Variants in ADK observed in about 807,000 individuals in gnomAD.
ADK encodes N6,N6-dimethyladenosine kinase.
A neutral mutation model predicts 44.7 loss-of-function variants in ADK; 24 were observed. The ratio of observed to expected loss-of-function variants is 0.54; its 90% CI spans 0.39 to 0.76. The LOEUF is 0.76. Among genes scored for constraint, ADK ranks in the 30% least tolerant of loss-of-function variants. The probability of loss-of-function intolerance (pLI) is 0.00; values close to 1 mark genes in which losing one functional copy is unlikely to be tolerated. For missense variants in ADK, 321 were observed against 425.1 expected (o/e 0.76, Z 2.15); for synonymous variants, 128 against 142.6 (o/e 0.90, Z 0.73).
At chr10:74,678,280 CAG>C (rs1855480046) in intron 10 of ADK, among the ~76,000 whole-genome samples, 1 of 152,124 alleles carries the variant, frequency 6.6e-6, no homozygotes, top group Admixed American at 6.6e-5. Context: ...GTTATACATC[CAG>C]AGTCTTAGTC....
intron 3 of ADK, among the ~76,000 whole-genome samples, chr10:74,277,590 G>A (rs190980826): frequency 5.3e-5 from 8 of 151,972 alleles, no homozygotes; most frequent in East Asian, 3.9e-4. Flanking sequence ...TAGTAGTGAC[G>A]GGGTTTCACC....
In ADK at chr10:74,353,097, A is replaced by G. The variant is rs145453242; in HGVS notation, c.273+38352A>G. ...CCAAGGGATTATAAATCATTCTCCT[A>G]TAAAGACACATGCACACATGTGTTT... On this transcript the variant is annotated intron_variant, in intron 4 of 10. Coordinates refer to ENST00000539909, the MANE Select transcript of ADK (RefSeq NM_006721.4). Among the ~76,000 whole-genome samples, 371 of 152,340 alleles carry G rather than the reference A, an allele frequency of 2.4e-3. 2 individuals carry two copies. Among genetic ancestry groups the G allele is most frequent in the African/African-American group, 8.4e-3 (350 of 41,566 alleles).
At chr10:74,569,818 T>G (rs1277936851) in intron 7 of ADK, among the ~76,000 whole-genome samples, 1 of 152,236 alleles carries the variant, frequency 6.6e-6, no homozygotes, top group East Asian at 1.9e-4. Flanking sequence ...TTGCCATTGC[T>G]TTTGGTGTCT....
chr10:74,288,202 C>G (rs1368774908), intron 3 of ADK, among the ~76,000 whole-genome samples: 1 of 151,874 alleles, frequency 6.6e-6, no homozygotes, highest in East Asian at 1.9e-4. Flanking sequence ...GGGGAGGGAA[C>G]ATATAAAATT....
At chr10:74,248,177 A>G (rs1365931521) in intron 3 of ADK, among the ~76,000 whole-genome samples, 2 of 152,168 alleles carry the variant, frequency 1.3e-5, no homozygotes, top group African/African-American at 4.8e-5. Context: ...GGACTGAGTG[A>G]TTTTTGCTCA....
rs1262696036 is a variant in ADK at position 74,686,863 on chromosome 10, A to C, written c.964+16594A>C. On this transcript the variant is annotated intron_variant, in intron 10 of 10. Transcript: ENST00000539909. ...CGGCTAATTTTTTGTATTTTAGTAG[A>C]GACAGGGTTTCACCATGTTGGCCAG... 4.6e-5 allele frequency among the ~76,000 whole-genome samples: 7 copies of C among 151,948 alleles called. No individual in the cohort carries two copies. In the East Asian group the frequency reaches 5.8e-4, roughly 13 times the overall value.
chr10:74,396,780 T>G (rs1274209624), intron 5 of ADK, among the ~76,000 whole-genome samples: 1 of 151,688 alleles, frequency 6.6e-6, no homozygotes, highest in African/African-American at 2.4e-5. Flanking sequence ...ATGGTGAAAC[T>G]CCACCTCTAC....
intron 1 of ADK, among the ~76,000 whole-genome samples, 161 bp downstream of exon 1, chr10:74,151,504 C>T (rs1282398265): frequency 6.6e-6 from 1 of 152,220 alleles, no homozygotes; most frequent in Non-Finnish European, 1.5e-5. Context: ...CGACCCCTTG[C>T]CAGACGTTCT....
intron 3 of ADK, among the ~76,000 whole-genome samples, chr10:74,242,745 T>C (rs1845265729): frequency 6.6e-6 from 1 of 152,206 alleles, no homozygotes; most frequent in Non-Finnish European, 1.5e-5. Context: ...AAGCTACCTA[T>C]GGCCTGCCCC....
intron 10 of ADK, among the ~76,000 whole-genome samples, chr10:74,693,927 CTA>C (rs2134274466): frequency 6.6e-6 from 1 of 152,238 alleles, no homozygotes; most frequent in East Asian, 1.9e-4. Context: ...GAGTGGGAAA[CTA>C]TTAAAATAAC....
chr10:74,512,784 A>C (rs1159983313), intron 6 of ADK, among the ~76,000 whole-genome samples: 1 of 149,996 alleles, frequency 6.7e-6, no homozygotes, highest in Non-Finnish European at 1.5e-5. Context: ...GATCATTATT[A>C]TTTCTTTCCT....
At chr10:74,387,270 C>A (rs1398076457) in intron 4 of ADK, among the ~76,000 whole-genome samples, 1 of 152,066 alleles carries the variant, frequency 6.6e-6, no homozygotes, top group Non-Finnish European at 1.5e-5. Flanking sequence ...TACTACATTC[C>A]TTTTGGTGGC....
intron 6 of ADK, among the ~76,000 whole-genome samples, chr10:74,495,926 T>C (rs933451727): frequency 1.3e-5 from 2 of 152,226 alleles, no homozygotes; most frequent in African/African-American, 2.4e-5. Flanking sequence ...TTTTATACTT[T>C]AGCTTTCTTC....
chr10:74,491,056 A>G (rs1051609680), intron 6 of ADK, among the ~76,000 whole-genome samples: 1 of 152,156 alleles, frequency 6.6e-6, no homozygotes, highest in African/African-American at 2.4e-5. Context: ...TACTAGCCCT[A>G]TAGAATTCTA....
At chr10:74,661,188 T>G in intron 9 of ADK, 1 of 304,590 alleles carries the variant, frequency 3.3e-6, no homozygotes, top group Non-Finnish European at 4.8e-6. Flanking sequence ...TTTAGTCAAA[T>G]TTGGTTATCA....
At chr10:74,624,510 C>T (rs1351077743) in intron 9 of ADK, among the ~76,000 whole-genome samples, 6 of 151,966 alleles carry the variant, frequency 3.9e-5, no homozygotes, top group African/African-American at 1.4e-4. Flanking sequence ...TTTGCTTATA[C>T]TTAATTATTT....
chr10:74,271,360 CTACTT>C (rs1221022334), intron 3 of ADK, among the ~76,000 whole-genome samples: 1 of 151,970 alleles, frequency 6.6e-6, no homozygotes, highest in Non-Finnish European at 1.5e-5. Context: ...AAAAGTATGT[CTACTT>C]TACATTTATA....
chr10:74,299,428 A>C (rs1391173772), intron 3 of ADK, among the ~76,000 whole-genome samples: 1 of 149,214 alleles, frequency 6.7e-6, no homozygotes, highest in Non-Finnish European at 1.5e-5. Flanking sequence ...CGAACCTGGG[A>C]GGTGGAGGAT....
intron 6 of ADK, among the ~76,000 whole-genome samples, chr10:74,523,017 G>A (rs1207528128): frequency 1.3e-5 from 2 of 151,536 alleles, no homozygotes; most frequent in Admixed American, 6.6e-5. Context: ...CTTATTATCT[G>A]CTCAAATTAG....
Sources: allele counts gnomAD v4.1 joint callset (sites outside exome capture counted in the v4.1 genomes callset), GRCh38; gene constraint gnomAD v4.1.1; transcripts MANE v1.5; gene names NCBI Gene and HGNC (gene_info 2026-07-23, HGNC 2026-07-21).